GNPTAB: variants seen among roughly 807,000 people sequenced by gnomAD.
GNPTAB encodes the protein N-acetylglucosamine-1-phosphate transferase subunits alpha and beta, also known as N-acetylglucosamine-1-phosphotransferase subunits alpha/beta.
A neutral mutation model predicts 136.6 loss-of-function variants in GNPTAB; 92 were observed. The observed-to-expected ratio is 0.67, with a 90% CI of 0.57 to 0.80. The LOEUF (loss-of-function observed/expected upper bound fraction) is 0.80, where lower values mean the gene tolerates loss of function less well. Among genes scored for constraint, GNPTAB ranks in the 30% least tolerant of loss-of-function variants. The probability of loss-of-function intolerance (pLI) is 0.00; values close to 1 mark genes in which losing one functional copy is unlikely to be tolerated. For synonymous variants in GNPTAB, 512 were observed against 535.1 expected, an observed-to-expected ratio of 0.96 and a Z score of 0.60; for missense variants, 1,343 against 1,501.8, an observed-to-expected ratio of 0.89 and a Z score of 1.75.
chr12:101,783,702 C>T (rs1868471409), intron 5 of GNPTAB, among the ~76,000 whole-genome samples: 2 of 151,590 alleles, frequency 1.3e-5, no homozygotes, highest in African/African-American at 4.9e-5. Flanking sequence ...TTAACATTTC[C>T]TTTCATACTA....
Position 101,766,299 on chromosome 12 carries a change from A to G in GNPTAB, c.1409-5T>C. ...AGCGACTCCCTCCACTGTTTCCTGT[A>G]GATCGGAGGAAGAAGAGGGATTCTT... On this transcript the variant is annotated splice_polypyrimidine_tract_variant and splice_region_variant and intron_variant, in intron 11 of 20. Transcript: ENST00000299314. 1 of 1,610,936 alleles carries G rather than the reference A, an allele frequency of 6.2e-7. No individual in the cohort carries two copies. Among genetic ancestry groups the G allele is most frequent in the Non-Finnish European group, 8.5e-7 (1 of 1,177,192 alleles).
intron 5 of GNPTAB, among the ~76,000 whole-genome samples, chr12:101,782,453 A>G (rs928015199): frequency 6.6e-6 from 1 of 152,188 alleles, no homozygotes; most frequent in African/African-American, 2.4e-5. Context: ...GTTCTCTAAC[A>G]CCGAGTCATT....
At chr12:101,768,275 C>A (rs1953123668) in intron 10 of GNPTAB, 115 bp from the exon 11 acceptor site, 5 of 1,189,094 alleles carry the variant, frequency 4.2e-6, no homozygotes, top group Non-Finnish European at 6.0e-6. Context: ...TTAAAATTTT[C>A]AAAGGGCTCA....
rs1480305030 is a variant in GNPTAB, at chr12:101,770,489, G to A, written c.1030C>T (p.Arg344Trp). ...CCGTTGGTGACAATGAAAATATTCC[G>A]AACCCATGGTGCATGCCTCTCGATA... ...RSIERHAPWVRNIFIVTNGQI... is the reference protein window; with the variant it reads ...RSIERHAPWVWNIFIVTNGQI... Residue 344 changes from arginine to tryptophan, a missense_variant, in exon 9 of 21, where the codon CGG becomes TGG. Transcript: ENST00000299314. 66 of 1,613,138 alleles carry A rather than the reference G, an allele frequency of 4.1e-5. No individual in the cohort carries two copies. Among genetic ancestry groups the A allele is most frequent in the African/African-American group, 8.0e-5 (6 of 74,864 alleles).
At chr12:101,807,266 CAGG>C (rs1301208934) in intron 1 of GNPTAB, among the ~76,000 whole-genome samples, 1 of 152,120 alleles carries the variant, frequency 6.6e-6, no homozygotes, top group Non-Finnish European at 1.5e-5. Context: ...ACTAGGAATA[CAGG>C]AGAACTTCCT....
At chr12:101,763,370 G>A in intron 13 of GNPTAB, among the ~76,000 whole-genome samples, 1 of 152,240 alleles carries the variant, frequency 6.6e-6, no homozygotes, top group Non-Finnish European at 1.5e-5. Context: ...TGAGGACATA[G>A]TTCCTCCTTC....
At chr12:101,790,468 A>G (rs935384410) in intron 2 of GNPTAB, among the ~76,000 whole-genome samples, 7 of 152,244 alleles carry the variant, frequency 4.6e-5, no homozygotes, top group Admixed American at 2.6e-4. Flanking sequence ...TTAGAAGTTT[A>G]AAGAACAAAA....
chr12:101,754,951 G>T (rs956143801), intron 18 of GNPTAB, among the ~76,000 whole-genome samples: 4 of 152,090 alleles, frequency 2.6e-5, no homozygotes, highest in African/African-American at 9.7e-5. Flanking sequence ...AAAACCCATA[G>T]ATTTAACTTC....
At chr12:101,822,275 A>T (rs1020375375) in intron 1 of GNPTAB, among the ~76,000 whole-genome samples, 30 of 151,972 alleles carry the variant, frequency 2.0e-4, no homozygotes, top group Admixed American at 1.3e-3. Context: ...TAGCCGGGTG[A>T]GGTGGCGGGA....
chr12:101,770,015 A>T lies in GNPTAB; in HGVS notation c.1284+6T>A. 1 of 1,613,248 alleles carries T rather than the reference A, an allele frequency of 6.2e-7. No individual in the cohort carries two copies. The highest frequency in any genetic ancestry group is 1.7e-5 in the Admixed American group (1 of 59,992). ...CTAGACAACCCCCCTCCTCTTAGGC[A>T]CTCACCTTCTGGCCTTTGGAGTGAC... On this transcript the variant is annotated splice_donor_region_variant and intron_variant, in intron 10 of 20. Transcript: ENST00000299314.
At chr12:101,750,521 T>TA (rs1380115856) in intron 19 of GNPTAB, among the ~76,000 whole-genome samples, 1 of 152,212 alleles carries the variant, frequency 6.6e-6, no homozygotes, top group African/African-American at 2.4e-5. Flanking sequence ...ACACCATTTG[T>TA]ACAGCACAGA....
rs577396513 is a variant in GNPTAB at position 101,796,431 on chromosome 12, T to G, written c.203+246A>C. 116 of 637,214 alleles carry G rather than the reference T, an allele frequency of 1.8e-4. 1 individual carries two copies. In the African/African-American group the frequency reaches 2.0e-3, roughly 11 times the overall value. 39.5% of individuals were successfully genotyped at this position (637,214 alleles called of 1,614,324 possible). On this transcript the variant is annotated intron_variant, in intron 2 of 20. Transcript: ENST00000299314. ...TTAAAAAAATATCTTACGGAATACT[T>G]CATGAATTGGTGTGTCACCCTTGCA...
At chr12:101,747,379 C>T (rs1284603316) in intron 20 of GNPTAB, 138 bp from the exon 21 acceptor site, 8 of 660,024 alleles carry the variant, frequency 1.2e-5, no homozygotes, top group Non-Finnish European at 2.2e-5. Context: ...AACAAATCTC[C>T]ATCATTCCTC....
chr12:101,765,029 T>G lies in GNPTAB; in HGVS notation c.1888A>C (p.Thr630Pro). 6.2e-7 allele frequency: 1 copy of G among 1,614,228 alleles called. No individual in the cohort carries two copies. Among genetic ancestry groups the G allele is most frequent in the Non-Finnish European group, 8.5e-7 (1 of 1,180,032 alleles). ...CCCTCCCTTGTGTCCACCTCCACTG[T>G]TATCTGCATTTTGAACTCTTCATCG... The part of the protein sequence containing the change: ...TNDEEFKMQI[T>P]VEVDTREGPK... The change falls in exon 13 of 21, where the codon ACA becomes CCA. Residue 630 changes from threonine to proline, a missense_variant. Transcript: ENST00000299314.
intron 5 of GNPTAB, among the ~76,000 whole-genome samples, chr12:101,785,211 G>A (rs1347783693): frequency 1.3e-5 from 2 of 152,180 alleles, no homozygotes; most frequent in African/African-American, 4.8e-5. Flanking sequence ...GAGCTCTCTG[G>A]AGTCTCTTTT....
At chr12:101,820,307 A>G (rs1330952133) in intron 1 of GNPTAB, among the ~76,000 whole-genome samples, 2 of 152,214 alleles carry the variant, frequency 1.3e-5, no homozygotes, top group African/African-American at 4.8e-5. Flanking sequence ...GTATCCCAAG[A>G]TGTTGGTGGA....
intron 1 of GNPTAB, among the ~76,000 whole-genome samples, chr12:101,800,741 G>GCACTCTAACCTGGGTGACAGAGTGAGA (rs1869573079): frequency 6.6e-6 from 1 of 151,880 alleles, no homozygotes; most frequent in African/African-American, 2.4e-5. Context: ...TCGCGCCACT[G>GCACTCTAACCTGGGTGACAGAGTGAGA]CACTCTAACC....
chr12:101,778,757 A>C (rs1407321637), intron 7 of GNPTAB: 1 of 152,166 alleles, frequency 6.6e-6, no homozygotes, highest in Non-Finnish European at 1.5e-5. Context: ...AAATACAAAA[A>C]TTAGCCAGGC....
At chr12:101,824,618 C>T (rs1195958761) in intron 1 of GNPTAB, among the ~76,000 whole-genome samples, 1 of 150,808 alleles carries the variant, frequency 6.6e-6, no homozygotes, top group African/African-American at 2.4e-5. Context: ...AGGCATGCAC[C>T]ACCACGCCCA....
Sources: gnomAD v4.1 joint callset for allele counts (sites outside exome capture counted in the v4.1 genomes callset) on GRCh38, gnomAD v4.1.1 for gene constraint, MANE v1.5 for transcripts, NCBI Gene and HGNC (gene_info 2026-07-23, HGNC 2026-07-21) for gene names.